The following LGALS8 variants were observed in gnomAD, a reference collection of about 807,000 sequenced individuals.
The protein encoded by LGALS8 is galectin-8.
LGALS8 carries 30 observed loss-of-function variants against 35.9 expected under a neutral mutation model. The ratio of observed to expected loss-of-function variants is 0.83; its 90% confidence interval spans 0.62 to 1.13. The LOEUF is 1.13. LGALS8 is among the 50% of genes most tolerant of loss of function. The pLI is 0.00. For missense variants in LGALS8, 366 were observed against 388.7 expected, an observed-to-expected ratio of 0.94 and a Z score of 0.49; for synonymous variants, 138 against 136.1, an observed-to-expected ratio of 1.01 and a Z score of -0.10.
chr1:236,536,348 G>A (rs773328200), intron 2 of LGALS8: 9 of 152,378 alleles, frequency 5.9e-5, no homozygotes, highest in Non-Finnish European at 1.0e-4. Flanking sequence ...ATGCAGGAGA[G>A]GCAGCCACAT....
chr1:236,539,642 C>G (rs913669728), intron 4 of LGALS8, among the ~76,000 whole-genome samples: 2 of 152,186 alleles, frequency 1.3e-5, no homozygotes, highest in Non-Finnish European at 2.9e-5. Context: ...TGCTGGCCCT[C>G]TGGCCTGTGG....
chr1:236,528,844 T>C (rs925955555), intron 2 of LGALS8, among the ~76,000 whole-genome samples: 5 of 152,084 alleles, frequency 3.3e-5, no homozygotes, highest in South Asian at 2.1e-4. Context: ...TTGGTCCACA[T>C]TGGTGTTAGA....
At chr1:236,531,515 C>T (rs540701435) in intron 2 of LGALS8, among the ~76,000 whole-genome samples, 86 of 152,068 alleles carry the variant, frequency 5.7e-4, no homozygotes, top group African/African-American at 1.7e-3. Flanking sequence ...TTAGTAGAGA[C>T]GGGGTTTCAC....
upstream of LGALS8, among the ~76,000 whole-genome samples, chr1:236,522,512 G>A (rs545692988): frequency 1.3e-5 from 2 of 152,334 alleles, no homozygotes; most frequent in South Asian, 4.1e-4. Flanking sequence ...GGGCTGAGGT[G>A]GGAGGATCAC....
chr1:236,535,664 C>T (rs1661443194), intron 2 of LGALS8, among the ~76,000 whole-genome samples: 1 of 152,196 alleles, frequency 6.6e-6, no homozygotes, highest in Non-Finnish European at 1.5e-5. Flanking sequence ...CACACAAAAT[C>T]AGATACTCTG....
In LGALS8 at chr1:236,552,616, C is replaced by T. The variant is rs1403000910; in HGVS notation, c.*4455C>T. 1 of 152,212 alleles carries T rather than the reference C, an allele frequency of 6.6e-6. No homozygotes were observed. The highest frequency in any genetic ancestry group is 2.4e-5 in the African/African-American group (1 of 41,428). 9.4% of individuals were successfully genotyped at this position (152,212 alleles called of 1,614,324 possible). On this transcript the variant is annotated 3_prime_UTR_variant, in exon 10 of 10. Transcript: ENST00000366584. ...ACTGAATAAAAAACATTCTGTGTCA[C>T]AATATCCTAGTTTTGGGGCTTTAAA...
At chr1:236,540,346 A>AGGGACGCAAG in intron 4 of LGALS8, 1 of 458,970 alleles carries the variant, frequency 2.2e-6, no homozygotes, top group Non-Finnish European at 3.8e-6. Flanking sequence ...GGGGAGAGAC[A>AGGGACGCAAG]GTTCCTGGTG....
At chr1:236,539,776 A>G (rs1420951829) in intron 4 of LGALS8, among the ~76,000 whole-genome samples, 2 of 151,960 alleles carry the variant, frequency 1.3e-5, no homozygotes, top group African/African-American at 4.8e-5. Context: ...CCCAAACTCC[A>G]TTCACCTCTC....
At chr1:236,537,921 G>GACC (rs550879712) in intron 3 of LGALS8, among the ~76,000 whole-genome samples, 3,442 of 83,298 alleles carry the variant, frequency 0.041, 62 homozygotes, top group Non-Finnish European at 0.063. Flanking sequence ...AACATAGTGA[G>GACC]ACCCCCCATC....
rs954558073 is a variant in LGALS8 at position 236,551,942 on chromosome 1, G to C, written c.*3781G>C. The C allele has an allele frequency of 1.7e-4, 203 of 1,182,214 alleles. 2 individuals carry two copies. The highest frequency in any genetic ancestry group is 1.4e-3 in the Middle Eastern group (7 of 5,184). The allele number at this position is 1,182,214 out of a possible 1,614,324, so 73.2% of individuals were successfully genotyped here. On this transcript the variant is annotated 3_prime_UTR_variant, in exon 10 of 10. Coordinates refer to ENST00000366584, the MANE Select transcript of LGALS8 (RefSeq NM_201544.4). ...CATTATCATTGGGCACATTTTCACA[G>C]AATTTTACTGAATTATTCCTTAATT...
intron 5 of LGALS8, 91 bp from the exon 6 acceptor site, chr1:236,541,563 C>A: frequency 1.5e-6 from 1 of 653,056 alleles, no homozygotes; most frequent in Non-Finnish European, 2.6e-6. Flanking sequence ...ATTTTTAGTA[C>A]CATTTATAAT....
upstream of LGALS8, among the ~76,000 whole-genome samples, chr1:236,518,832 T>C (rs1305465105): frequency 6.6e-6 from 1 of 152,144 alleles, no homozygotes; most frequent in African/African-American, 2.4e-5. Context: ...ATTTCATGGA[T>C]GGTTGGAGAG....
At position 236,531,359 on chromosome 1, in the gene LGALS8, T is replaced by C. The variant is rs921827719; in HGVS notation, c.45+5244T>C. Among the ~76,000 whole-genome samples, 13 of 152,360 alleles carry C rather than the reference T, an allele frequency of 8.5e-5. No homozygotes were observed. The South Asian group carries it at 2.3e-3, about 27-fold the overall frequency. On this transcript the variant is annotated intron_variant, in intron 2 of 9. Coordinates refer to ENST00000366584, the MANE Select transcript of LGALS8 (RefSeq NM_201544.4). ...TTATTTTTGAGACAGAGTCTTGCTC[T>C]GTCGCCCAGGCTGGAGTGCAGTGGC...
Position 236,549,056 on chromosome 1 carries a change from C to T in LGALS8, c.*895C>T. ...ACAAAGTAAGGTCAGGATTAGACTT[C>T]AGGCATTCATAAGGCAGGCACTATC... On this transcript the variant is annotated 3_prime_UTR_variant, in exon 10 of 10. Coordinates refer to ENST00000366584, the MANE Select transcript of LGALS8 (RefSeq NM_201544.4). 1 of 398,542 alleles carries T rather than the reference C, an allele frequency of 2.5e-6. No individual in the cohort carries two copies. The highest frequency in any genetic ancestry group is 1.3e-4 in the South Asian group (1 of 7,852). The allele number at this position is 398,542 out of a possible 1,614,324, so 24.7% of individuals were successfully genotyped here. A position where few individuals can be genotyped will look rare whatever the true frequency, so the allele number is the denominator to read the frequency against.
rs1404225711 is a variant in LGALS8, at chr1:236,524,052, C to G, written c.-113C>G. On this transcript the variant is annotated 5_prime_UTR_variant, in exon 1 of 10. Transcript: ENST00000366584. The stretch of plus-strand genomic sequence containing the variant: ...CTGCTCCGTGGAGCGCCTGAAACAC[C>G]AGTCTTTGGGTGAGTCGCGCGACCC... 4.4e-6 allele frequency: 2 copies of G among 451,882 alleles called. No individual in the cohort carries two copies. The highest frequency in any genetic ancestry group is 4.8e-5 in the Admixed American group (2 of 42,090). 28.0% of individuals were successfully genotyped at this position (451,882 alleles called of 1,614,324 possible). A position where few individuals can be genotyped will look rare whatever the true frequency, so the allele number is the denominator to read the frequency against.
chr1:236,522,450 T>A (rs994347356), upstream of LGALS8, among the ~76,000 whole-genome samples: 7 of 151,748 alleles, frequency 4.6e-5, no homozygotes, highest in South Asian at 2.1e-4. Flanking sequence ...AAAAAAAAAT[T>A]TTTAAATTAG....
In LGALS8 at chr1:236,550,029, A is replaced by G. The variant is rs1027523967; in HGVS notation, c.*1868A>G. ...TACGGGATGTTCTTAGATGCCTTTA[A>G]AAAGGGGGCAGATCTAATTTTATTT... is the stretch of plus-strand genomic sequence containing the variant. On this transcript the variant is annotated 3_prime_UTR_variant, in exon 10 of 10. Transcript: ENST00000366584. 9.9e-5 allele frequency: 15 copies of G among 152,232 alleles called. No individual in the cohort carries two copies. The highest frequency in any genetic ancestry group is 3.4e-4 in the African/African-American group (14 of 41,464). 9.4% of individuals were successfully genotyped at this position (152,232 alleles called of 1,614,324 possible).
chr1:236,528,381 C>T (rs1249375240), intron 2 of LGALS8, among the ~76,000 whole-genome samples: 2 of 80,032 alleles, frequency 2.5e-5, no homozygotes. Flanking sequence ...GACTCCATCT[C>T]AAAAAAAAAA....
At chr1:236,523,592 T>C (rs981778145), upstream of LGALS8, 2 of 157,714 alleles carry the variant, frequency 1.3e-5, no homozygotes, top group African/African-American at 2.4e-5. Context: ...CCGAGCGCCC[T>C]CCCTCCTAGA....
Sources: gnomAD v4.1 joint callset for allele counts (sites outside exome capture counted in the v4.1 genomes callset) on GRCh38, gnomAD v4.1.1 for gene constraint, MANE v1.5 for transcripts, NCBI Gene and HGNC (gene_info 2026-07-23, HGNC 2026-07-21) for gene names.